The following LY96 variants were observed in gnomAD, a reference collection of about 807,000 sequenced individuals.
LY96 encodes the protein myeloid differentiation protein-2.
A neutral mutation model predicts 18.9 loss-of-function variants in LY96; 18 were observed. The observed-to-expected ratio is 0.95, with a 90% CI of 0.66 to 1.41. The LOEUF is 1.41. Among genes scored for constraint, LY96 ranks in the 40% most tolerant of loss-of-function variants. The probability of loss-of-function intolerance (pLI) is 0.00; values close to 1 mark genes in which losing one functional copy is unlikely to be tolerated. For synonymous variants in LY96, 66 were observed against 62.6 expected (o/e 1.06, Z -0.26); for missense variants, 175 against 182.4 (o/e 0.96, Z 0.23).
the LY96 span, chr8:74,056,649 A>G: frequency 1.3e-5 from 2 of 153,984 alleles, no homozygotes; most frequent in African/African-American, 4.8e-5. Flanking sequence ...AACCTGTTTA[A>G]TATTCAGACT....
At chr8:74,018,284 T>C (rs989395568) in intron 3 of LY96, among the ~76,000 whole-genome samples, 8 of 151,882 alleles carry the variant, frequency 5.3e-5, no homozygotes, top group African/African-American at 1.7e-4. Context: ...TAGTCTCTGA[T>C]AAAACAGACT....
chr8:74,085,213 T>C, the LY96 span, among the ~76,000 whole-genome samples: 1 of 152,230 alleles, frequency 6.6e-6, no homozygotes, highest in Non-Finnish European at 1.5e-5. Context: ...ATTTTACAGA[T>C]GTGGAAACAA....
At chr8:74,077,034 T>G in the LY96 span, among the ~76,000 whole-genome samples, 12 of 152,160 alleles carry the variant, frequency 7.9e-5, no homozygotes, top group African/African-American at 2.9e-4. Flanking sequence ...AGGGAAACAC[T>G]TTACTTACGT....
chr8:74,062,794 T>C, the LY96 span, among the ~76,000 whole-genome samples: 6 of 152,232 alleles, frequency 3.9e-5, no homozygotes, highest in Non-Finnish European at 8.8e-5. Context: ...GTCGCATGAC[T>C]AGTCACTGGC....
chr8:74,092,103 T>C, the LY96 span, among the ~76,000 whole-genome samples: 3 of 152,276 alleles, frequency 2.0e-5, no homozygotes, highest in South Asian at 6.2e-4. Flanking sequence ...GGCTAGAAAG[T>C]GGGGCTTTCT....
rs764706627 is a variant in LY96, at chr8:74,026,891, C to T, written c.384+50C>T. 3.3e-6 allele frequency: 3 copies of T among 903,674 alleles called. No homozygotes were observed. The East Asian group carries it at 7.3e-5, about 22-fold the overall frequency. 56.0% of individuals were successfully genotyped at this position (903,674 alleles called of 1,614,324 possible). ...CTGTCTAACCTTTAGCAGTAATAGA[C>T]ATGTTAAGCATTTGAAACAAGCAAT... is the stretch of plus-strand genomic sequence containing the variant. On this transcript the variant is annotated intron_variant, in intron 4 of 4. Coordinates refer to ENST00000284818, the MANE Select transcript of LY96 (RefSeq NM_015364.5).
At chr8:74,088,942 T>A in the LY96 span, among the ~76,000 whole-genome samples, 1 of 152,200 alleles carries the variant, frequency 6.6e-6, no homozygotes, top group Admixed American at 6.5e-5. Flanking sequence ...ATTGTATCCA[T>A]GTAAGTTACT....
chr8:74,064,930 CATT>C, the LY96 span, among the ~76,000 whole-genome samples: 1 of 152,162 alleles, frequency 6.6e-6, no homozygotes, highest in African/African-American at 2.4e-5. Context: ...GATAAGAACT[CATT>C]AGGGGTAGAG....
chr8:74,015,115 G>A (rs1042963461), intron 3 of LY96, among the ~76,000 whole-genome samples: 1 of 152,148 alleles, frequency 6.6e-6, no homozygotes, highest in Non-Finnish European at 1.5e-5. Context: ...GCTGAGGCGG[G>A]AGGATCACTG....
In LY96 at chr8:74,010,073, A is replaced by G; in HGVS notation, c.275A>G (p.Glu92Gly). The part of the protein sequence containing the change: ...VNTMNLPKRK[E>G]VICRGSDDDY... ...ACCATGAATCTTCCAAAGCGCAAAG[A>G]AGTTATTTGCCGAGGATCTGATGAC... The change falls in exon 3 of 5, where the codon GAA becomes GGA. Residue 92 changes from glutamate to glycine, a missense_variant. Glu to Gly is a moderately conservative substitution (Grantham distance 98). Transcript: ENST00000284818. 1 of 1,612,984 alleles carries G rather than the reference A, an allele frequency of 6.2e-7. No homozygotes were observed. The highest frequency in any genetic ancestry group is 1.3e-5 in the African/African-American group (1 of 75,012).
intron 3 of LY96, among the ~76,000 whole-genome samples, chr8:74,023,224 T>A (rs1816805749): frequency 6.6e-6 from 1 of 152,034 alleles, no homozygotes; most frequent in African/African-American, 2.4e-5. Context: ...CTGCTCCTGG[T>A]GAAATCCTGG....
intron 4 of LY96, among the ~76,000 whole-genome samples, chr8:74,028,111 C>A (rs544427589): frequency 2.6e-4 from 39 of 152,326 alleles, no homozygotes; most frequent in African/African-American, 9.1e-4. Context: ...ACATCCCATC[C>A]TTTGCATAAG....
intron 1 of LY96, among the ~76,000 whole-genome samples, chr8:73,996,607 C>T (rs778207754): frequency 4.0e-5 from 6 of 151,614 alleles, no homozygotes; most frequent in Non-Finnish European, 7.4e-5. Context: ...TTAGTAGAGA[C>T]GGGGTTTCAC....
intron 1 of LY96, among the ~76,000 whole-genome samples, chr8:73,994,613 A>G (rs960045658): frequency 1.3e-5 from 2 of 152,066 alleles, no homozygotes; most frequent in Non-Finnish European, 2.9e-5. Context: ...CAGCCTCCCA[A>G]GTAGCTGGGA....
chr8:73,993,467 A>G (rs1180717191), intron 1 of LY96, among the ~76,000 whole-genome samples: 2 of 151,764 alleles, frequency 1.3e-5, no homozygotes, highest in Non-Finnish European at 2.9e-5. Flanking sequence ...ATTTTTTTTG[A>G]GTTTCACTCT....
At chr8:73,995,784 G>T (rs1816114190) in intron 1 of LY96, among the ~76,000 whole-genome samples, 1 of 151,890 alleles carries the variant, frequency 6.6e-6, no homozygotes, top group South Asian at 2.1e-4. Context: ...ATTATTTAGT[G>T]AAACCAATAT....
At chr8:74,094,491 T>C in the LY96 span, among the ~76,000 whole-genome samples, 2 of 152,230 alleles carry the variant, frequency 1.3e-5, no homozygotes, top group Non-Finnish European at 2.9e-5. Context: ...ATTATTCATG[T>C]TATTAATTTT....
chr8:74,087,470 G>A, the LY96 span, among the ~76,000 whole-genome samples: 3 of 152,126 alleles, frequency 2.0e-5, no homozygotes, highest in East Asian at 3.8e-4. Flanking sequence ...CCAAAACAAA[G>A]CCGTCAGCAC....
the LY96 span, among the ~76,000 whole-genome samples, chr8:74,059,380 T>C: frequency 6.6e-6 from 1 of 152,178 alleles, no homozygotes; most frequent in Non-Finnish European, 1.5e-5. Context: ...AAACAGATTC[T>C]AAGAACTTCT....
Sources: allele counts gnomAD v4.1 joint callset (sites outside exome capture counted in the v4.1 genomes callset), GRCh38; gene constraint gnomAD v4.1.1; transcripts MANE v1.5; gene names NCBI Gene and HGNC (gene_info 2026-07-23, HGNC 2026-07-21).